APLP2: variants seen among roughly 807,000 people sequenced by gnomAD.
The protein encoded by APLP2 is amyloid beta precursor like protein 2.
In APLP2, 53 loss-of-function variants were observed where a neutral mutation model predicts 89.9. The observed-to-expected ratio is 0.59, with a 90% CI of 0.47 to 0.74. APLP2 has a LOEUF of 0.74. Among genes scored for constraint, APLP2 ranks in the 30% least tolerant of loss-of-function variants. The probability of loss-of-function intolerance (pLI) is 0.00; values close to 1 mark genes in which losing one functional copy is unlikely to be tolerated. For synonymous variants in APLP2, 372 were observed against 348.6 expected (o/e 1.07, Z -0.75); for missense variants, 973 against 975.9 (o/e 1.00, Z 0.04).
intron 11 of APLP2, among the ~76,000 whole-genome samples, chr11:130,132,995 G>C (rs567739647): frequency 1.7e-3 from 240 of 142,558 alleles, no homozygotes; most frequent in Non-Finnish European, 2.6e-3. Flanking sequence ...TTTTTTTTTG[G>C]CTCAATATAA....
In APLP2 at chr11:130,141,453, C is replaced by T. The variant is rs755154524; in HGVS notation, c.1924-45C>T. On this transcript the variant is annotated intron_variant, in intron 14 of 16. Transcript: ENST00000338167. This position sits in a 1 kb window ranked among gnomAD's most constrained non-coding sequence, Gnocchi z 4.2. The stretch of plus-strand genomic sequence containing the variant: ...AGGAGGCAGTAAATACCAAACTCCC[C>T]GTTCACCCAGTTGCTTGCTGCCGAC... 4.3e-5 allele frequency: 66 copies of T among 1,522,898 alleles called. No individual in the cohort carries two copies. The highest frequency in any genetic ancestry group is 3.7e-4 in the South Asian group (33 of 89,028). 94.3% of individuals were successfully genotyped at this position (1,522,898 alleles called of 1,614,324 possible). A position where few individuals can be genotyped will look rare whatever the true frequency, so the allele number is the denominator to read the frequency against.
intron 1 of APLP2, among the ~76,000 whole-genome samples, chr11:130,103,402 T>A (rs1183366260): frequency 6.6e-6 from 1 of 152,196 alleles, no homozygotes; most frequent in Admixed American, 6.5e-5. Flanking sequence ...CCAGTTTCTC[T>A]GCTTTTTCTT....
Position 130,141,458 on chromosome 11 carries a change from A to T in APLP2, c.1924-40A>T. On this transcript the variant is annotated intron_variant, in intron 14 of 16. Transcript: ENST00000338167. The surrounding 1 kb of genome is among the most constrained non-coding windows in gnomAD (Gnocchi z 4.2). ...GCAGTAAATACCAAACTCCCCGTTC[A>T]CCCAGTTGCTTGCTGCCGACATTCT... 2 of 1,543,870 alleles carry T rather than the reference A, an allele frequency of 1.3e-6. No individual in the cohort carries two copies. Among genetic ancestry groups the T allele is most frequent in the African/African-American group, 1.4e-5 (1 of 73,564 alleles).
intron 1 of APLP2, among the ~76,000 whole-genome samples, chr11:130,073,619 G>T (rs1249360009): frequency 6.6e-6 from 1 of 152,202 alleles, no homozygotes; most frequent in Non-Finnish European, 1.5e-5. Context: ...GAGGTGGGTG[G>T]ATCACGAGGT....
intron 1 of APLP2, among the ~76,000 whole-genome samples, chr11:130,101,069 A>G (rs1476093612): frequency 1.3e-5 from 2 of 152,234 alleles, no homozygotes; most frequent in African/African-American, 4.8e-5. Context: ...TTTCTTACAC[A>G]TTAGGCTCTG....
At chr11:130,091,723 AC>A (rs1211998735) in intron 1 of APLP2, among the ~76,000 whole-genome samples, 1 of 102,828 alleles carries the variant, frequency 9.7e-6, no homozygotes, top group Non-Finnish European at 1.9e-5. Flanking sequence ...CGGGGGGCTG[AC>A]CCCCCCACCT....
chr11:130,114,529 G>T (rs759866495), intron 3 of APLP2, among the ~76,000 whole-genome samples: 4 of 152,124 alleles, frequency 2.6e-5, no homozygotes, highest in Non-Finnish European at 5.9e-5. Context: ...GTCTGCATTT[G>T]GCCAGTGGGG....
Position 130,083,021 on chromosome 11 carries a change from C to CTTTTTTTTT in APLP2, c.105+12943_105+12944insTTTTTTTTT, listed in dbSNP as rs1469566240. ...AAATATATTAACCACTGAAACTTTT[C>CTTTTTTTTT]TTTTCTTTTTTTTTTTTTTTTTTTT... is the stretch of plus-strand genomic sequence containing the variant. On this transcript the variant is annotated intron_variant, in intron 1 of 16. Coordinates refer to ENST00000338167, the MANE Select transcript of APLP2 (RefSeq NM_001142276.2). Among the ~76,000 whole-genome samples the CTTTTTTTTT allele has an allele frequency of 1.5e-4, 12 of 79,978 alleles. 1 individual carries two copies. The highest frequency in any genetic ancestry group is 4.6e-4 in the African/African-American group (9 of 19,620). 52.5% of individuals were successfully genotyped at this position (79,978 alleles called of 152,430 possible).
intron 1 of APLP2, among the ~76,000 whole-genome samples, chr11:130,079,476 A>G (rs1738557267): frequency 6.6e-6 from 1 of 152,122 alleles, no homozygotes; most frequent in Non-Finnish European, 1.5e-5. Context: ...GATCTTGTGT[A>G]TCTTTTGTTA....
intron 10 of APLP2, 74 bp from the exon 11 acceptor site, chr11:130,129,964 T>C (rs1353302431): frequency 6.5e-7 from 1 of 1,539,266 alleles, no homozygotes; most frequent in Non-Finnish European, 8.9e-7. Context: ...AAGTGAACTT[T>C]TTAAGCTTTT....
intron 12 of APLP2, 58 bp from the exon 13 acceptor site, chr11:130,135,505 G>A: frequency 6.3e-7 from 1 of 1,584,742 alleles, no homozygotes. Flanking sequence ...AGCATCCTGT[G>A]CCTGGACACC....
chr11:130,121,969 A>G (rs564914445), intron 5 of APLP2, among the ~76,000 whole-genome samples, 159 bp downstream of exon 5: 138 of 152,318 alleles, frequency 9.1e-4, no homozygotes, highest in Non-Finnish European at 1.4e-3. Context: ...GCCATTGCCA[A>G]TCACAGGAGT....
At position 130,120,825 on chromosome 11, in the gene APLP2, G is replaced by T; in HGVS notation, c.516+7G>T. On this transcript the variant is annotated splice_region_variant and intron_variant, in intron 4 of 16. Transcript: ENST00000338167. Reference sequence around the variant, plus strand: ...GCACACGGTAGTCAAAGAGGTAAGAGAACTCGGGGGGAAAGTCAGCTGCTG... The same window carrying T: ...GCACACGGTAGTCAAAGAGGTAAGATAACTCGGGGGGAAAGTCAGCTGCTG... 1 of 1,597,114 alleles carries T rather than the reference G, an allele frequency of 6.3e-7. No individual in the cohort carries two copies. Among genetic ancestry groups the T allele is most frequent in the Non-Finnish European group, 8.6e-7 (1 of 1,164,950 alleles).
At chr11:130,131,125 G>A (rs1451663693) in intron 11 of APLP2, among the ~76,000 whole-genome samples, 2 of 152,178 alleles carry the variant, frequency 1.3e-5, no homozygotes, top group Non-Finnish European at 2.9e-5. Context: ...TTGAGATGGA[G>A]TCCCACTCTG....
At chr11:130,090,268 TA>T (rs776367852) in intron 1 of APLP2, among the ~76,000 whole-genome samples, 8,714 of 125,920 alleles carry the variant, frequency 0.069, 673 homozygotes, top group East Asian at 0.21. Flanking sequence ...TTTTTTTTTT[TA>T]AATTTATTTT....
rs1950101949 is a variant in APLP2 at position 130,123,860 on chromosome 11, T to C, written c.1090+81T>C. Reference sequence around the variant, plus strand: ...TCTCCCTGCCGTCTTCGTGGCTGCATCTGTGTGGTGTCCCTGCCCACTCGG... The same window carrying C: ...TCTCCCTGCCGTCTTCGTGGCTGCACCTGTGTGGTGTCCCTGCCCACTCGG... On this transcript the variant is annotated intron_variant, in intron 7 of 16. Transcript: ENST00000338167. The surrounding 1 kb of genome is among the most constrained non-coding windows in gnomAD (Gnocchi z 4.0). 10 of 1,503,258 alleles carry C rather than the reference T, an allele frequency of 6.7e-6. No homozygotes were observed. Among genetic ancestry groups the C allele is most frequent in the Non-Finnish European group, 9.1e-6 (10 of 1,097,346 alleles). 93.1% of individuals were successfully genotyped at this position (1,503,258 alleles called of 1,614,324 possible). A position where few individuals can be genotyped will look rare whatever the true frequency, so the allele number is the denominator to read the frequency against.
Position 130,130,077 on chromosome 11 carries a change from G to A in APLP2, c.1495G>A (p.Ala499Thr), listed in dbSNP as rs763834489. 6.2e-7 allele frequency: 1 copy of A among 1,614,226 alleles called. No homozygotes were observed. The highest frequency in any genetic ancestry group is 8.5e-7 in the Non-Finnish European group (1 of 1,180,036). Reference sequence around the variant, plus strand: ...CCAGGCCTTACGGCGTTATGTCCGTGCTGAGAACAAAGATCGCTTACATAC... The same window carrying A: ...CCAGGCCTTACGGCGTTATGTCCGTACTGAGAACAAAGATCGCTTACATAC... ...ILQALRRYVR[A>T]ENKDRLHTIR... is the part of the protein sequence containing the mutation. Residue 499 changes from alanine to threonine, a missense_variant, in exon 11 of 17, where the codon GCT becomes ACT. Physicochemically the swap from Ala to Thr is moderately conservative, Grantham distance 58 (BLOSUM62 0). Transcript: ENST00000338167.
At chr11:130,118,926 T>TG (rs1171910346) in intron 3 of APLP2, among the ~76,000 whole-genome samples, 1 of 152,130 alleles carries the variant, frequency 6.6e-6, no homozygotes, top group South Asian at 2.1e-4. Flanking sequence ...AGTTTTCATG[T>TG]GGGGGGACTG....
chr11:130,106,261 C>T (rs1378209923), intron 1 of APLP2, among the ~76,000 whole-genome samples: 3 of 152,118 alleles, frequency 2.0e-5, no homozygotes, highest in African/African-American at 7.2e-5. Context: ...TCCTCTTCCT[C>T]ATCCCTCATA....
Sources: allele counts gnomAD v4.1 joint callset (sites outside exome capture counted in the v4.1 genomes callset), GRCh38; gene constraint gnomAD v4.1.1; non-coding constraint Gnocchi (gnomAD v3.1); transcripts MANE v1.5; gene names NCBI Gene and HGNC (gene_info 2026-07-23, HGNC 2026-07-21).